The following RDX variants were observed in gnomAD, a reference collection of about 807,000 sequenced individuals.
RDX encodes the protein radixin.
In RDX, 32 loss-of-function variants were observed where a neutral mutation model predicts 83.7. That is an observed-to-expected ratio of 0.38 (90% CI 0.29 to 0.51). RDX has a LOEUF of 0.51. RDX is among the 20% of genes least tolerant of loss of function. The pLI is 0.87. For missense variants in RDX, 600 were observed against 689.9 expected, an observed-to-expected ratio of 0.87 and a Z score of 1.46; for synonymous variants, 229 against 222.7, an observed-to-expected ratio of 1.03 and a Z score of -0.25.
intron 2 of RDX, 158 bp from the exon 3 acceptor site, chr11:110,272,777 G>C: frequency 1.6e-6 from 1 of 628,514 alleles, no homozygotes; most frequent in Non-Finnish European, 2.8e-6. Context: ...CCTCATTTAG[G>C]AACATCTATT....
chr11:110,275,976 G>A (rs1221208949), intron 2 of RDX, among the ~76,000 whole-genome samples: 1 of 151,752 alleles, frequency 6.6e-6, no homozygotes, highest in African/African-American at 2.4e-5. Context: ...GTATAAACGG[G>A]CCAGTATAAA....
At chr11:110,296,439 T>A (rs1434990446) in intron 1 of RDX, 28 bp downstream of exon 1, 1 of 149,178 alleles carries the variant, frequency 6.7e-6, no homozygotes, top group African/African-American at 2.5e-5. Flanking sequence ...GAGCGGGGAG[T>A]GGGGGAAGGG....
intron 14 of RDX, among the ~76,000 whole-genome samples, chr11:110,210,961 A>G (rs1217496017): frequency 6.6e-6 from 1 of 152,190 alleles, no homozygotes; most frequent in Non-Finnish European, 1.5e-5. Flanking sequence ...AGCTAACATC[A>G]TAATGACAGG....
At chr11:110,210,307 T>C (rs1410268178) in intron 14 of RDX, among the ~76,000 whole-genome samples, 1 of 129,712 alleles carries the variant, frequency 7.7e-6, no homozygotes, top group African/African-American at 3.1e-5. Flanking sequence ...TAAAAAGAAA[T>C]GAGCAAAGCC....
intron 5 of RDX, among the ~76,000 whole-genome samples, chr11:110,263,619 G>C (rs1859891306): frequency 6.6e-6 from 1 of 151,800 alleles, no homozygotes; most frequent in Non-Finnish European, 1.5e-5. Flanking sequence ...CCAGCACTTT[G>C]GGAGGCTGAG....
intron 9 of RDX, 40 bp from the exon 10 acceptor site, chr11:110,247,873 A>G: frequency 6.5e-7 from 1 of 1,533,746 alleles, no homozygotes; most frequent in Non-Finnish European, 8.8e-7. Flanking sequence ...ATTAATACAC[A>G]AAAATATTAT....
At chr11:110,260,184 C>A (rs1859745286) in intron 5 of RDX, among the ~76,000 whole-genome samples, 1 of 152,034 alleles carries the variant, frequency 6.6e-6, no homozygotes. Flanking sequence ...CGGGGTTTCT[C>A]CATGTTGGTC....
At chr11:110,208,369 G>GCT (rs957829223) in intron 14 of RDX, among the ~76,000 whole-genome samples, 65 of 152,220 alleles carry the variant, frequency 4.3e-4, no homozygotes, top group Middle Eastern at 3.4e-3. Flanking sequence ...TCATTTTTCA[G>GCT]CTCTCACAGT....
chr11:110,279,331 G>C (rs1860657046), intron 2 of RDX, among the ~76,000 whole-genome samples: 1 of 152,164 alleles, frequency 6.6e-6, no homozygotes, highest in Non-Finnish European at 1.5e-5. Context: ...TAGTATTATG[G>C]TCTGGCCAAC....
chr11:110,232,953 T>G (rs1864699112), intron 13 of RDX, among the ~76,000 whole-genome samples: 1 of 152,138 alleles, frequency 6.6e-6, no homozygotes, highest in South Asian at 2.1e-4. Context: ...TAAATTCACG[T>G]TTTTCAACAT....
intron 15 of RDX, among the ~76,000 whole-genome samples, chr11:110,176,093 T>TC (rs1862768588): frequency 1.3e-5 from 2 of 150,410 alleles, no homozygotes; most frequent in South Asian, 4.2e-4. Flanking sequence ...TTTTTCTTTT[T>TC]TTTTTTTTCT....
At chr11:110,180,023 T>C (rs1591495359) in intron 15 of RDX, 1 of 316,666 alleles carries the variant, frequency 3.2e-6, no homozygotes, top group East Asian at 8.3e-5. Flanking sequence ...TGCCTCAGCC[T>C]CCTGAGTAGC....
In RDX at chr11:110,231,874, T is replaced by C. The variant is rs753707089; in HGVS notation, c.1747A>G (p.Met583Val). ...TATATGCAAAATAACAGCTCTCACA[T>C]TGCTTCAAACTCATCGATACGCTGC... ...TKQRIDEFEA[M>V] The change falls in exon 14 of 14, where the codon ATG becomes GTG. Residue 583 changes from methionine to valine, a missense_variant. By Grantham distance (21) the Met-to-Val change is conservative (BLOSUM62 1). Coordinates refer to ENST00000645495, the MANE Select transcript of RDX (RefSeq NM_002906.4). 9 of 1,612,546 alleles carry C rather than the reference T, an allele frequency of 5.6e-6. No individual in the cohort carries two copies. Among genetic ancestry groups the C allele is most frequent in the East Asian group, 2.2e-5 (1 of 44,872 alleles).
At chr11:110,275,867 C>A (rs781087547) in intron 2 of RDX, among the ~76,000 whole-genome samples, 6 of 151,102 alleles carry the variant, frequency 4.0e-5, no homozygotes, top group Non-Finnish European at 7.4e-5. Flanking sequence ...TCACTGCAAC[C>A]TCTGCCTTCC....
intron 15 of RDX, among the ~76,000 whole-genome samples, chr11:110,176,932 T>C (rs1591493924): frequency 6.6e-6 from 1 of 152,280 alleles, no homozygotes; most frequent in East Asian, 1.9e-4. Context: ...CAGCGCAACA[T>C]CGCACAGTCG....
chr11:110,219,177 G>A (rs1213770914), intron 14 of RDX, among the ~76,000 whole-genome samples: 1 of 152,200 alleles, frequency 6.6e-6, no homozygotes, highest in African/African-American at 2.4e-5. Flanking sequence ...GAGGTGGCAA[G>A]GGAGTGAATC....
At chr11:110,191,284 T>A (rs1274734236) in intron 15 of RDX, among the ~76,000 whole-genome samples, 1 of 152,200 alleles carries the variant, frequency 6.6e-6, no homozygotes, top group South Asian at 2.1e-4. Context: ...CACAAATCAA[T>A]AAATATGATT....
At chr11:110,238,352 A>G (rs917077013) in intron 10 of RDX, among the ~76,000 whole-genome samples, 1 of 152,204 alleles carries the variant, frequency 6.6e-6, no homozygotes, top group Non-Finnish European at 1.5e-5. Flanking sequence ...TATTCCAATG[A>G]GTTGAACAGG....
intron 15 of RDX, among the ~76,000 whole-genome samples, chr11:110,192,490 G>T (rs1863122078): frequency 6.6e-6 from 1 of 152,164 alleles, no homozygotes; most frequent in Admixed American, 6.5e-5. Flanking sequence ...AAAAGCAATT[G>T]CAGCAAAAGC....
Sources: gnomAD v4.1 joint callset for allele counts (sites outside exome capture counted in the v4.1 genomes callset) on GRCh38, gnomAD v4.1.1 for gene constraint, MANE v1.5 for transcripts, NCBI Gene and HGNC (gene_info 2026-07-23, HGNC 2026-07-21) for gene names.